CDH13: variants seen among roughly 807,000 people sequenced by gnomAD.
CDH13 encodes the protein cadherin-13.
Under a neutral mutation model 63.8 loss-of-function variants are expected in CDH13, and 24 were observed. That is an observed-to-expected ratio of 0.38 (90% CI 0.27 to 0.53). The LOEUF is 0.53. CDH13 is among the 20% of genes least tolerant of loss of function. CDH13 has a pLI of 0.85. For missense variants in CDH13, 1,049 were observed against 903.1 expected (o/e 1.16, Z -2.07); for synonymous variants, 503 against 355.3 (o/e 1.42, Z -4.67).
chr16:83,379,932 T>TAGAGAGAG (rs1221020454), intron 6 of CDH13, among the ~76,000 whole-genome samples: 5 of 86,278 alleles, frequency 5.8e-5, no homozygotes, highest in Non-Finnish European at 1.0e-4. Context: ...TATATATATA[T>TAGAGAGAG]ATATATAGAG....
intron 6 of CDH13, among the ~76,000 whole-genome samples, chr16:83,433,221 G>C (rs200322431): frequency 1.3e-5 from 2 of 152,146 alleles, no homozygotes; most frequent in Admixed American, 1.3e-4. Context: ...CTGAGTTCTC[G>C]TCCTGGCTCT....
intron 3 of CDH13, among the ~76,000 whole-genome samples, chr16:83,118,269 G>A (rs752305007): frequency 6.6e-6 from 1 of 152,164 alleles, no homozygotes; most frequent in Non-Finnish European, 1.5e-5. Context: ...TGAGGGGATT[G>A]TGTTCAGCAC....
intron 2 of CDH13, among the ~76,000 whole-genome samples, chr16:82,906,040 C>A (rs1352575263): frequency 6.6e-6 from 1 of 152,120 alleles, no homozygotes; most frequent in African/African-American, 2.4e-5. Flanking sequence ...ATGCATATTT[C>A]TATCTATCTA....
chr16:83,067,850 GA>G (rs2032136407), intron 3 of CDH13, among the ~76,000 whole-genome samples: 1 of 152,064 alleles, frequency 6.6e-6, no homozygotes, highest in Non-Finnish European at 1.5e-5. Flanking sequence ...CTAGATACCG[GA>G]ATGTCTCAGG....
chr16:82,655,137 C>G (rs1911154165), intron 1 of CDH13, among the ~76,000 whole-genome samples: 2 of 152,238 alleles, frequency 1.3e-5, no homozygotes, highest in African/African-American at 4.8e-5. Flanking sequence ...ATTTTCCCAA[C>G]ACATTTACTG....
intron 4 of CDH13, among the ~76,000 whole-genome samples, chr16:83,155,111 T>C (rs2037153168): frequency 1.3e-5 from 2 of 152,206 alleles, no homozygotes; most frequent in Non-Finnish European, 2.9e-5. Context: ...CATTTACTAT[T>C]AGAGAATGTT....
chr16:83,133,561 T>C (rs895117464), intron 4 of CDH13, among the ~76,000 whole-genome samples: 4 of 152,154 alleles, frequency 2.6e-5, no homozygotes, highest in South Asian at 4.2e-4. Flanking sequence ...TGCAGTGGCG[T>C]GATCTGTGCT....
intron 1 of CDH13, among the ~76,000 whole-genome samples, chr16:82,724,326 T>C (rs2032963307): frequency 6.6e-6 from 1 of 152,154 alleles, no homozygotes; most frequent in Non-Finnish European, 1.5e-5. Context: ...AGAGGTAGTT[T>C]TATTAATAAT....
chr16:83,150,212 C>G (rs185257437), intron 4 of CDH13, among the ~76,000 whole-genome samples: 54 of 152,322 alleles, frequency 3.5e-4, no homozygotes, highest in African/African-American at 1.1e-3. Context: ...CCAATCCAAT[C>G]TCCATCCACC....
At chr16:83,601,547 G>C (rs1739984305) in intron 7 of CDH13, among the ~76,000 whole-genome samples, 1 of 152,176 alleles carries the variant, frequency 6.6e-6, no homozygotes, top group Admixed American at 6.5e-5. Flanking sequence ...TGGTATAAGT[G>C]ACTCTAAACT....
intron 6 of CDH13, among the ~76,000 whole-genome samples, chr16:83,440,804 C>G (rs80324762): frequency 0.032 from 4,445 of 138,738 alleles, 67 homozygotes; most frequent in East Asian, 0.083. Flanking sequence ...AAAAAAAAAG[C>G]GGGGGAGGGA....
intron 6 of CDH13, among the ~76,000 whole-genome samples, chr16:83,351,174 A>AT (rs1012153364): frequency 1.1e-4 from 17 of 149,326 alleles, no homozygotes; most frequent in East Asian, 5.9e-4. Flanking sequence ...TTGACTGTTA[A>AT]TTTTTTTTTG....
intron 3 of CDH13, among the ~76,000 whole-genome samples, chr16:83,073,373 G>C (rs769537862): frequency 5.5e-5 from 8 of 146,182 alleles, no homozygotes; most frequent in Non-Finnish European, 9.1e-5. Flanking sequence ...GAGAGAGAGA[G>C]AGAGCTTTCT....
At chr16:83,423,360 A>G (rs1400332231) in intron 6 of CDH13, among the ~76,000 whole-genome samples, 1 of 152,204 alleles carries the variant, frequency 6.6e-6, no homozygotes, top group East Asian at 1.9e-4. Context: ...AAAAGCCTAA[A>G]GCCACTCACT....
At chr16:83,732,882 T>A (rs1911174906) in intron 10 of CDH13, among the ~76,000 whole-genome samples, 2 of 152,174 alleles carry the variant, frequency 1.3e-5, no homozygotes, top group Admixed American at 6.5e-5. Context: ...TCTGACACAT[T>A]GACTTTTCTG....
chr16:83,211,560 A>G (rs562077794), intron 4 of CDH13, among the ~76,000 whole-genome samples: 1 of 152,334 alleles, frequency 6.6e-6, no homozygotes, highest in African/African-American at 2.4e-5. Context: ...ACAGCTGAGA[A>G]TAGAGGTAGG....
At chr16:83,499,940 T>C (rs1281599219) in intron 7 of CDH13, among the ~76,000 whole-genome samples, 4 of 152,154 alleles carry the variant, frequency 2.6e-5, no homozygotes, top group Non-Finnish European at 5.9e-5. Context: ...GTAGCTGGGA[T>C]TACAGGCGCC....
At chr16:83,210,807 C>T (rs1689339115) in intron 4 of CDH13, among the ~76,000 whole-genome samples, 1 of 150,956 alleles carries the variant, frequency 6.6e-6, no homozygotes, top group Non-Finnish European at 1.5e-5. Flanking sequence ...GCCACAGTCA[C>T]ACATGGCAGT....
intron 1 of CDH13, among the ~76,000 whole-genome samples, chr16:82,806,418 A>T (rs2037147253): frequency 6.6e-6 from 1 of 152,220 alleles, no homozygotes; most frequent in South Asian, 2.1e-4. Flanking sequence ...AATTTGAAAT[A>T]CAAGAATGTG....
Sources: allele counts gnomAD v4.1 joint callset (sites outside exome capture counted in the v4.1 genomes callset), GRCh38; gene constraint gnomAD v4.1.1; transcripts MANE v1.5; gene names NCBI Gene and HGNC (gene_info 2026-07-23, HGNC 2026-07-21).